PI15: variants seen among roughly 807,000 people sequenced by gnomAD.
The protein encoded by PI15 is 25 kDa trypsin inhibitor.
Under a neutral mutation model 31.0 loss-of-function variants are expected in PI15, and 18 were observed. That is an observed-to-expected ratio of 0.58 (90% CI 0.40 to 0.86). The LOEUF is 0.86. Among genes scored for constraint, PI15 ranks in the 40% least tolerant of loss-of-function variants. The pLI is 0.00. For missense variants in PI15, 282 were observed against 328.1 expected (o/e 0.86, Z 1.09); for synonymous variants, 118 against 119.1 (o/e 0.99, Z 0.06).
intron 2 of PI15, among the ~76,000 whole-genome samples, chr8:74,839,623 G>A (rs953509909): frequency 1.3e-5 from 2 of 152,106 alleles, no homozygotes; most frequent in African/African-American, 2.4e-5. Flanking sequence ...CAAATTATCT[G>A]TGAAAATACC....
chr8:74,843,122 A>C (rs1225161570), intron 2 of PI15, among the ~76,000 whole-genome samples: 1 of 152,198 alleles, frequency 6.6e-6, no homozygotes, highest in African/African-American at 2.4e-5. Flanking sequence ...TAAATTAGAT[A>C]ATCTTTGTTT....
rs1261319494 is a variant in PI15, at chr8:74,850,265, C to G, written c.*1012C>G. On this transcript the variant is annotated 3_prime_UTR_variant, in exon 6 of 6. Transcript: ENST00000260113. The stretch of plus-strand genomic sequence containing the variant: ...TTAACAAATGCCAAGATTTCTGGAG[C>G]AGATTGTACAGCTGTGACTTTGGAA... The G allele has an allele frequency of 6.6e-6, 1 of 152,176 alleles. No homozygotes were observed. The highest frequency in any genetic ancestry group is 1.5e-5 in the Non-Finnish European group (1 of 68,036). 9.4% of individuals were successfully genotyped at this position (152,176 alleles called of 1,614,324 possible).
In PI15 at chr8:74,825,279, A is replaced by C. The variant is rs1261900330; in HGVS notation, c.30A>C (p.Ala10=). The change falls in exon 2 of 6, where the codon GCA becomes GCC. Residue 10 remains alanine, a synonymous_variant. Coordinates refer to ENST00000260113, the MANE Select transcript of PI15 (RefSeq NM_015886.5). MIAISAVSS[A]LLFSLLCEAS... ...TAGCAATCTCTGCCGTCAGCAGTGC[A>C]CTCCTGTTCTCCCTTCTCTGTGAAG... 1.2e-6 allele frequency: 2 copies of C among 1,612,910 alleles called. No homozygotes were observed. Among genetic ancestry groups the C allele is most frequent in the Non-Finnish European group, 1.7e-6 (2 of 1,179,486 alleles).
rs1811075807 is a variant in PI15 at position 74,849,589 on chromosome 8, G to A, written c.*336G>A. The A allele has an allele frequency of 5.2e-6, 1 of 193,006 alleles. No homozygotes were observed. The highest frequency in any genetic ancestry group is 2.4e-5 in the African/African-American group (1 of 42,298). The allele number at this position is 193,006 out of a possible 1,614,324, so 12.0% of individuals were successfully genotyped here. On this transcript the variant is annotated 3_prime_UTR_variant, in exon 6 of 6. Coordinates refer to ENST00000260113, the MANE Select transcript of PI15 (RefSeq NM_015886.5). ...GTAAATATATATTTGACCTGTAAGT[G>A]TGTGTATGTATACATATACATATGT...
intron 5 of PI15, among the ~76,000 whole-genome samples, chr8:74,846,234 A>T (rs370382487): frequency 6.6e-6 from 1 of 152,308 alleles, no homozygotes; most frequent in East Asian, 1.9e-4. Context: ...ATGGGGAGGG[A>T]ATGAGAAAAT....
At chr8:74,846,165 A>G (rs1192226906) in intron 5 of PI15, among the ~76,000 whole-genome samples, 1 of 152,244 alleles carries the variant, frequency 6.6e-6, no homozygotes, top group Non-Finnish European at 1.5e-5. Context: ...AGGATTTATG[A>G]CACTCTTGGT....
intron 5 of PI15, among the ~76,000 whole-genome samples, chr8:74,846,667 T>C (rs774151137): frequency 6.6e-6 from 1 of 152,154 alleles, no homozygotes; most frequent in Non-Finnish European, 1.5e-5. Flanking sequence ...TAAAGAACAA[T>C]TTTTCTGAAA....
intron 5 of PI15, chr8:74,845,876 C>G (rs1368220282): frequency 6.2e-6 from 1 of 161,812 alleles, no homozygotes; most frequent in African/African-American, 2.4e-5. Context: ...TGCTGGCTTA[C>G]CTTTTTAGCA....
At chr8:74,846,778 G>A (rs1563570183) in intron 5 of PI15, among the ~76,000 whole-genome samples, 1 of 151,988 alleles carries the variant, frequency 6.6e-6, no homozygotes, top group Non-Finnish European at 1.5e-5. Context: ...TATTCAGTGG[G>A]AAAAAGAGAG....
At position 74,834,456 on chromosome 8, in the gene PI15, C is replaced by T. The variant is rs559166156; in HGVS notation, c.273+8934C>T. On this transcript the variant is annotated intron_variant, in intron 2 of 5. Coordinates refer to ENST00000260113, the MANE Select transcript of PI15 (RefSeq NM_015886.5). ...ATCCTTGACTCAGTGGATCCAGTCACCAAACTCCTTCTTAGCCTCAAGACC... is the reference window on the plus strand; with the variant it reads ...ATCCTTGACTCAGTGGATCCAGTCATCAAACTCCTTCTTAGCCTCAAGACC... Among the ~76,000 whole-genome samples, 71 of 152,256 alleles carry T rather than the reference C, an allele frequency of 4.7e-4. No individual in the cohort carries two copies. The South Asian group carries it at 0.014, about 29-fold the overall frequency.
intron 5 of PI15, among the ~76,000 whole-genome samples, chr8:74,848,383 A>T (rs1470884760): frequency 6.6e-6 from 1 of 152,132 alleles, no homozygotes; most frequent in South Asian, 2.1e-4. Flanking sequence ...TGCAGAAGCA[A>T]ATCTCCTTTT....
rs753751434 is a variant in PI15, at chr8:74,844,060, T to A, written c.353T>A (p.Leu118Gln). 4.4e-6 allele frequency: 7 copies of A among 1,599,058 alleles called. No homozygotes were observed. Among genetic ancestry groups the A allele is most frequent in the Non-Finnish European group, 6.0e-6 (7 of 1,166,290 alleles). ...CIWDHGPSYL[L>Q]RFLGQNLSVR... ...TGGGACCATGGACCTTCTTACTTAC[T>A]GAGATTTTTGGGCCAAAATCTATCT... is the stretch of plus-strand genomic sequence containing the variant. Residue 118 changes from leucine (L) to glutamine (Q), a missense_variant, in exon 3 of 6, where the codon CTG becomes CAG. Transcript: ENST00000260113.
At chr8:74,836,569 G>A (rs959416047) in intron 2 of PI15, among the ~76,000 whole-genome samples, 7 of 152,202 alleles carry the variant, frequency 4.6e-5, no homozygotes, top group East Asian at 1.9e-4. Context: ...AAAAAAAAGA[G>A]AAGGGACTTG....
rs1179822156 is a variant in PI15 at position 74,851,935 on chromosome 8, T to C, written c.*2682T>C. The stretch of plus-strand genomic sequence containing the variant: ...ACGGGTATATTTGTTATTCTAACTC[T>C]ATTTTTTAAAGTTAATAATATAAAG... On this transcript the variant is annotated 3_prime_UTR_variant, in exon 6 of 6. Coordinates refer to ENST00000260113, the MANE Select transcript of PI15 (RefSeq NM_015886.5). 2.0e-5 allele frequency: 3 copies of C among 152,380 alleles called. No individual in the cohort carries two copies. 9.4% of individuals were successfully genotyped at this position (152,380 alleles called of 1,614,324 possible). A position where few individuals can be genotyped will look rare whatever the true frequency, so the allele number is the denominator to read the frequency against.
chr8:74,844,959 T>A (rs547615527), intron 3 of PI15, 169 bp from the exon 4 acceptor site: 19 of 609,474 alleles, frequency 3.1e-5, no homozygotes, highest in Middle Eastern at 4.2e-4. Context: ...TGGCCCTAGT[T>A]GGAGGAATAG....
rs749020857 is a variant in PI15 at position 74,825,483 on chromosome 8, G to A, written c.234G>A (p.Arg78=). 1.7e-5 allele frequency: 27 copies of A among 1,612,908 alleles called. No homozygotes were observed. The highest frequency in any genetic ancestry group is 2.3e-5 in the Non-Finnish European group (27 of 1,179,454). The change falls in exon 2 of 6, where the codon CGG becomes CGA. Residue 78 remains arginine (R), a synonymous_variant. Transcript: ENST00000260113. ...TTCTTGATTATCATAATCAAGTTCG[G>A]GGCAAAGTGTTCCCACCGGCAGCAA... ...IAILDYHNQV[R]GKVFPPAANM... is the part of the protein sequence containing the mutation.
At chr8:74,825,156 C>T in intron 1 of PI15, 54 bp from the exon 2 acceptor site, 1 of 975,142 alleles carries the variant, frequency 1.0e-6, no homozygotes, top group East Asian at 2.4e-5. Context: ...TAAATTCATA[C>T]CCTCTGGCCC....
intron 1 of PI15, 163 bp downstream of exon 1, chr8:74,824,838 T>A (rs1167855346): frequency 1.1e-5 from 2 of 184,558 alleles, no homozygotes; most frequent in Non-Finnish European, 2.3e-5. Context: ...TTCTCTGTTG[T>A]TACCTGTGAT....
intron 2 of PI15, among the ~76,000 whole-genome samples, chr8:74,836,584 G>A (rs917843433): frequency 2.0e-5 from 3 of 152,078 alleles, no homozygotes; most frequent in South Asian, 4.1e-4. Flanking sequence ...GACTTGGACT[G>A]AGCCCTGGGA....
Sources: allele counts gnomAD v4.1 joint callset (sites outside exome capture counted in the v4.1 genomes callset), GRCh38; gene constraint gnomAD v4.1.1; transcripts MANE v1.5; gene names NCBI Gene and HGNC (gene_info 2026-07-23, HGNC 2026-07-21).